MMP26: variants seen among roughly 807,000 people sequenced by gnomAD.
The protein encoded by MMP26 is matrix metalloproteinase-26.
In MMP26, 33 loss-of-function variants were observed where a neutral mutation model predicts 31.0. The ratio of observed to expected loss-of-function variants is 1.06; its 90% CI spans 0.81 to 1.42. MMP26 has a LOEUF of 1.42. MMP26 is among the 40% of genes most tolerant of loss of function. The pLI, the probability that MMP26 is intolerant of heterozygous loss-of-function variation, is 0.00. For missense variants in MMP26, 347 were observed against 316.1 expected, an observed-to-expected ratio of 1.10 and a Z score of -0.74; for synonymous variants, 122 against 114.9, an observed-to-expected ratio of 1.06 and a Z score of -0.40.
intron 2 of MMP26, chr11:4,793,795 G>C (rs975936864): frequency 6.6e-6 from 1 of 152,112 alleles, no homozygotes; most frequent in African/African-American, 2.4e-5. Context: ...CAAAATCTCT[G>C]TACCATGTTT....
At chr11:4,705,568 G>T (rs1009177797) in intron 1 of MMP26, among the ~76,000 whole-genome samples, 18 of 152,202 alleles carry the variant, frequency 1.2e-4, no homozygotes, top group African/African-American at 4.1e-4. Flanking sequence ...GCTCTGTCAT[G>T]GAAGAATTCT....
At chr11:4,923,674 G>A in intron 2 of MMP26, 1 of 1,614,018 alleles carries the variant, frequency 6.2e-7, no homozygotes, top group African/African-American at 1.3e-5. Context: ...TGCGAAGGAT[G>A]AGGGCGTATG....
intron 2 of MMP26, among the ~76,000 whole-genome samples, chr11:4,911,137 C>T: frequency 6.6e-6 from 1 of 152,140 alleles, no homozygotes; most frequent in South Asian, 2.1e-4. Flanking sequence ...GAGACACCCT[C>T]CTTCTCTCAG....
At chr11:4,918,064 C>CA (rs1369843400) in intron 2 of MMP26, among the ~76,000 whole-genome samples, 7 of 151,824 alleles carry the variant, frequency 4.6e-5, no homozygotes, top group Non-Finnish European at 8.8e-5. Flanking sequence ...AGGGACATTC[C>CA]AAAAATCACC....
chr11:4,902,427 A>G (rs1241745524), intron 2 of MMP26, among the ~76,000 whole-genome samples: 1 of 152,130 alleles, frequency 6.6e-6, no homozygotes, highest in Non-Finnish European at 1.5e-5. Flanking sequence ...AGATGCATCC[A>G]TGTTGCTCCA....
intron 2 of MMP26, among the ~76,000 whole-genome samples, chr11:4,853,983 A>C (rs1466273933): frequency 6.6e-6 from 1 of 152,240 alleles, no homozygotes; most frequent in African/African-American, 2.4e-5. Context: ...GTATTTCAAC[A>C]TCAACTAATA....
chr11:4,958,075 A>G (rs1846468391), intron 2 of MMP26, among the ~76,000 whole-genome samples: 4 of 152,154 alleles, frequency 2.6e-5, no homozygotes, highest in Non-Finnish European at 4.4e-5. Flanking sequence ...GATTAACTGC[A>G]ATTAATTTGT....
intron 2 of MMP26, among the ~76,000 whole-genome samples, chr11:4,912,113 G>C (rs1257261717): frequency 2.0e-5 from 3 of 151,930 alleles, no homozygotes; most frequent in African/African-American, 7.3e-5. Flanking sequence ...TTTATGTTAG[G>C]AATTAAAGTA....
intron 2 of MMP26, chr11:4,875,257 T>G (rs1184874440): frequency 6.6e-6 from 1 of 152,040 alleles, no homozygotes; most frequent in East Asian, 1.9e-4. Flanking sequence ...GAAAAAGGCC[T>G]GAATAAATGA....
At chr11:4,823,602 A>G (rs1268690145) in intron 2 of MMP26, among the ~76,000 whole-genome samples, 1 of 152,120 alleles carries the variant, frequency 6.6e-6, no homozygotes, top group Admixed American at 6.6e-5. Flanking sequence ...ATCCCCCATG[A>G]GGCCATGGAT....
intron 2 of MMP26, among the ~76,000 whole-genome samples, chr11:4,873,263 T>C (rs1850333987): frequency 6.6e-6 from 1 of 152,110 alleles, no homozygotes; most frequent in Non-Finnish European, 1.5e-5. Flanking sequence ...AGTGTTTCTT[T>C]TGAGGCTGCT....
intron 2 of MMP26, among the ~76,000 whole-genome samples, chr11:4,829,921 C>A (rs1849624417): frequency 6.6e-6 from 1 of 152,124 alleles, no homozygotes; most frequent in East Asian, 1.9e-4. Context: ...GTGACTGTAC[C>A]CAAATCCTGC....
At chr11:4,744,750 A>T (rs895351864) in intron 1 of MMP26, among the ~76,000 whole-genome samples, 1 of 152,168 alleles carries the variant, frequency 6.6e-6, no homozygotes, top group Admixed American at 6.5e-5. Context: ...CTTTAAAAAA[A>T]TTTTATTAGA....
At chr11:4,856,606 C>G (rs1168174032) in intron 2 of MMP26, among the ~76,000 whole-genome samples, 5 of 152,132 alleles carry the variant, frequency 3.3e-5, no homozygotes, top group Non-Finnish European at 5.9e-5. Flanking sequence ...GACTTAGACT[C>G]CCACACAATA....
chr11:4,853,895 A>C (rs1309897434), intron 2 of MMP26, among the ~76,000 whole-genome samples: 1 of 152,202 alleles, frequency 6.6e-6, no homozygotes, highest in Non-Finnish European at 1.5e-5. Context: ...AATATTAGCA[A>C]ATTAAATTTG....
intron 2 of MMP26, among the ~76,000 whole-genome samples, chr11:4,916,161 A>AC (rs961820387): frequency 2.6e-5 from 4 of 151,734 alleles, no homozygotes; most frequent in African/African-American, 9.7e-5. Flanking sequence ...TACTAAAAAA[A>AC]AAAAATGGTG....
intron 2 of MMP26, among the ~76,000 whole-genome samples, chr11:4,904,560 T>C (rs558752625): frequency 6.6e-6 from 1 of 152,226 alleles, no homozygotes; most frequent in Admixed American, 6.5e-5. Flanking sequence ...ATTATGTACA[T>C]TTTTACTGTA....
In MMP26 at chr11:4,979,874, GA is replaced by G. The variant is rs1297924901; in HGVS notation, c.-144-8191del. Reference sequence around the variant, plus strand: ...CAGAAAACAATAATTTAAAAAATCAGAAATAATTCATGTTTATATGGAACAG... The same window carrying G: ...CAGAAAACAATAATTTAAAAAATCAGAATAATTCATGTTTATATGGAACAG... On this transcript the variant is annotated intron_variant, in intron 2 of 7. Transcript: ENST00000380390. Among the ~76,000 whole-genome samples the G allele has an allele frequency of 4.6e-5, 7 of 152,090 alleles. No individual in the cohort carries two copies. In the East Asian group the frequency reaches 1.4e-3, roughly 29 times the overall value.
intron 2 of MMP26, chr11:4,881,689 A>T (rs1850464655): frequency 5.5e-6 from 3 of 548,910 alleles, no homozygotes; most frequent in Non-Finnish European, 9.7e-6. Flanking sequence ...GGAGTTAGTA[A>T]ATTTGGTTTT....
Sources: gnomAD v4.1 joint callset for allele counts (sites outside exome capture counted in the v4.1 genomes callset) on GRCh38, gnomAD v4.1.1 for gene constraint, MANE v1.5 for transcripts, NCBI Gene and HGNC (gene_info 2026-07-23, HGNC 2026-07-21) for gene names.